DNM2: variants seen among roughly 807,000 people sequenced by gnomAD.
The protein encoded by DNM2 is dynamin-2.
A neutral mutation model predicts 99.0 loss-of-function variants in DNM2; 15 were observed. The ratio of observed to expected loss-of-function variants is 0.15; its 90% CI spans 0.10 to 0.23. The LOEUF (loss-of-function observed/expected upper bound fraction) is 0.23, where lower values mean the gene tolerates loss of function less well. Ranked by LOEUF, DNM2 falls within the 10% of genes least tolerant of loss-of-function variation. DNM2 has a pLI of 1.00. For synonymous variants in DNM2, 525 were observed against 481.2 expected (o/e 1.09, Z -1.19); for missense variants, 742 against 1,189.4 (o/e 0.62, Z 5.53).
chr19:10,777,014 A>T, intron 4 of DNM2, 104 bp from the exon 5 acceptor site: 1 of 1,075,974 alleles, frequency 9.3e-7, no homozygotes, highest in Non-Finnish European at 1.4e-6. Context: ...AGGTGATGTG[A>T]CCTGGAAGTT....
intron 11 of DNM2, among the ~76,000 whole-genome samples, chr19:10,801,656 C>T (rs1320795441): frequency 2.0e-5 from 3 of 150,360 alleles, no homozygotes; most frequent in African/African-American, 7.4e-5. Context: ...CTTGTAATCC[C>T]AGCACTTTGA....
In DNM2 at chr19:10,775,009, GATCTACCC is replaced by G. The variant is rs2145921745; in HGVS notation, c.386-690_386-683del. On this transcript the variant is annotated intron_variant, in intron 3 of 20. Transcript: ENST00000389253. This position sits in a 1 kb window ranked among gnomAD's most constrained non-coding sequence, Gnocchi z 4.3. ...TGGTTTCGAACTCCTGAGCTCAAGT[GATCTACCC>G]ATCATGGCCTCCCAAAGTGCTGGGA... Among the ~76,000 whole-genome samples, 1 of 151,652 alleles carries G rather than the reference GATCTACCC, an allele frequency of 6.6e-6. No individual in the cohort carries two copies. Among genetic ancestry groups the G allele is most frequent in the South Asian group, 2.1e-4 (1 of 4,792 alleles).
At chr19:10,803,156 G>A (rs781632340) in intron 12 of DNM2, among the ~76,000 whole-genome samples, 61 of 152,312 alleles carry the variant, frequency 4.0e-4, no homozygotes, top group Middle Eastern at 3.4e-3. Context: ...GGGCGGGGCC[G>A]TGCAGGGCTT....
At chr19:10,754,531 G>A (rs1568280602) in intron 1 of DNM2, among the ~76,000 whole-genome samples, 2 of 151,976 alleles carry the variant, frequency 1.3e-5, no homozygotes, top group Non-Finnish European at 2.9e-5. Flanking sequence ...GATTATAGGC[G>A]TGACCCACTA....
Position 10,817,406 on chromosome 19 carries a change from G to A in DNM2, c.1672-2574G>A, listed in dbSNP as rs759646136. 3.4e-5 allele frequency: 17 copies of A among 502,714 alleles called. No homozygotes were observed. Among genetic ancestry groups the A allele is most frequent in the Admixed American group, 2.1e-4 (10 of 47,720 alleles). The allele number at this position is 502,714 out of a possible 1,614,324, so 31.1% of individuals were successfully genotyped here. On this transcript the variant is annotated intron_variant, in intron 15 of 20. Coordinates refer to ENST00000389253, the MANE Select transcript of DNM2 (RefSeq NM_001005361.3). The surrounding 1 kb of genome is among the most constrained non-coding windows in gnomAD (Gnocchi z 4.6). ...GCGAGTTTGGGGGGCCTGTCTCGACGAGCCGCTCACCCAAGCCCAGCCTAA... is the reference window on the plus strand; with the variant it reads ...GCGAGTTTGGGGGGCCTGTCTCGACAAGCCGCTCACCCAAGCCCAGCCTAA...
chr19:10,782,732 C>T (rs991371634), intron 5 of DNM2, among the ~76,000 whole-genome samples: 3 of 152,202 alleles, frequency 2.0e-5, no homozygotes, highest in African/African-American at 4.8e-5. Context: ...TCTGTCCCTG[C>T]GCACACAGGC....
intron 1 of DNM2, among the ~76,000 whole-genome samples, chr19:10,728,102 A>G (rs1599424385): frequency 6.6e-6 from 1 of 152,056 alleles, no homozygotes; most frequent in Admixed American, 6.6e-5. Flanking sequence ...GGTGGTGGGA[A>G]ATTTTCCCCT....
At chr19:10,787,994 G>A (rs1334730454) in intron 7 of DNM2, among the ~76,000 whole-genome samples, 1 of 151,996 alleles carries the variant, frequency 6.6e-6, no homozygotes, top group African/African-American at 2.4e-5. Context: ...CATTTTGGGA[G>A]GCCGAGGCGG....
intron 1 of DNM2, among the ~76,000 whole-genome samples, chr19:10,739,509 G>T (rs1418938049): frequency 1.3e-5 from 2 of 152,162 alleles, no homozygotes; most frequent in African/African-American, 2.4e-5. Context: ...GAATCTTACA[G>T]TATATGGCCT....
chr19:10,767,053 C>T (rs564326304), intron 2 of DNM2, among the ~76,000 whole-genome samples: 8 of 152,182 alleles, frequency 5.3e-5, no homozygotes, highest in African/African-American at 1.9e-4. Context: ...TGCCTGTCTG[C>T]AGAGGGTGGC....
intron 1 of DNM2, among the ~76,000 whole-genome samples, chr19:10,745,858 C>T (rs934376497): frequency 1.3e-5 from 2 of 152,204 alleles, no homozygotes; most frequent in Non-Finnish European, 2.9e-5. Context: ...CGGAGATAGC[C>T]AGGATTGTGG....
chr19:10,783,215 G>A (rs2071436515), intron 6 of DNM2, 95 bp downstream of exon 6: 1 of 1,566,694 alleles, frequency 6.4e-7, no homozygotes. Context: ...GGCTAGAGCA[G>A]CACTTGTTTT....
chr19:10,778,890 C>CTAAG (rs1330912333), intron 5 of DNM2, among the ~76,000 whole-genome samples: 1 of 151,966 alleles, frequency 6.6e-6, no homozygotes, highest in East Asian at 1.9e-4. Flanking sequence ...TAGGAGTAAC[C>CTAAG]TAAGTATTTT....
intron 1 of DNM2, among the ~76,000 whole-genome samples, chr19:10,759,348 T>G (rs1030106363): frequency 3.9e-5 from 6 of 152,196 alleles, no homozygotes; most frequent in African/African-American, 1.4e-4. Context: ...CATCCTATTT[T>G]GTCATCAATA....
intron 16 of DNM2, chr19:10,823,300 G>A (rs1382506215): frequency 6.6e-6 from 1 of 151,988 alleles, no homozygotes. Flanking sequence ...AGCTACTCGG[G>A]AGGCTGAGGC....
chr19:10,781,861 T>C (rs941192178), intron 5 of DNM2: 1 of 152,108 alleles, frequency 6.6e-6, no homozygotes, highest in Admixed American at 6.6e-5. Flanking sequence ...CTCCCCCATA[T>C]ACTGAAGCGT....
chr19:10,718,217 C>T lies in DNM2; in HGVS notation c.-26C>T. ...TCGGCGGCGGGCGAGGAGCGCAGGG[C>T]GCTCGGGCCGGGGGCCGCCGGCGCC... On this transcript the variant is annotated 5_prime_UTR_variant, in exon 1 of 21. Coordinates refer to ENST00000389253, the MANE Select transcript of DNM2 (RefSeq NM_001005361.3). 6.9e-7 allele frequency: 1 copy of T among 1,449,306 alleles called. No homozygotes were observed. Among genetic ancestry groups the T allele is most frequent in the Non-Finnish European group, 9.1e-7 (1 of 1,097,708 alleles). 89.8% of individuals were successfully genotyped at this position (1,449,306 alleles called of 1,614,324 possible). A position where few individuals can be genotyped will look rare whatever the true frequency, so the allele number is the denominator to read the frequency against.
At position 10,802,155 on chromosome 19, in the gene DNM2, C is replaced by T. The variant is rs575043525; in HGVS notation, c.1423-133C>T. 1,299 of 876,694 alleles carry T rather than the reference C, an allele frequency of 1.5e-3. 1 individual carries two copies. The highest frequency in any genetic ancestry group is 2.1e-3 in the Non-Finnish European group (1,098 of 530,612). The allele number at this position is 876,694 out of a possible 1,614,324, so 54.3% of individuals were successfully genotyped here. A position where few individuals can be genotyped will look rare whatever the true frequency, so the allele number is the denominator to read the frequency against. ...GAGGGTGTGGGGAGTGCGACGCCAG[C>T]CCCTGTTCTCCTGTCTGGGAAGCCT... is the stretch of plus-strand genomic sequence containing the variant. On this transcript the variant is annotated intron_variant, in intron 11 of 20. Transcript: ENST00000389253.
At chr19:10,746,526 C>G (rs1432833697) in intron 1 of DNM2, among the ~76,000 whole-genome samples, 1 of 151,956 alleles carries the variant, frequency 6.6e-6, no homozygotes, top group Admixed American at 6.6e-5. Flanking sequence ...CAGGTTCAAG[C>G]GATTCTCCCA....
Sources: gnomAD v4.1 joint callset for allele counts (sites outside exome capture counted in the v4.1 genomes callset) on GRCh38, gnomAD v4.1.1 for gene constraint, Gnocchi (gnomAD v3.1) non-coding constraint, MANE v1.5 for transcripts, NCBI Gene and HGNC (gene_info 2026-07-23, HGNC 2026-07-21) for gene names.